Variants in PBRM1 observed in about 807,000 individuals in gnomAD.
PBRM1 encodes polybromo 1, also known as protein polybromo-1.
PBRM1 carries 27 observed loss-of-function variants against 194.5 expected under a neutral mutation model. The ratio of observed to expected loss-of-function variants is 0.14; its 90% CI spans 0.10 to 0.19. The LOEUF (loss-of-function observed/expected upper bound fraction) is 0.19, where lower values mean the gene tolerates loss of function less well. PBRM1 is among the 10% of genes least tolerant of loss of function. PBRM1 has a pLI of 1.00. For missense variants in PBRM1, 1,466 were observed against 2,077.2 expected (o/e 0.71, Z 5.72); for synonymous variants, 655 against 693.2 (o/e 0.94, Z 0.87).
chr3:52,578,367 T>C (rs1458918874), intron 21 of PBRM1, among the ~76,000 whole-genome samples: 2 of 152,216 alleles, frequency 1.3e-5, no homozygotes, highest in Non-Finnish European at 2.9e-5. Context: ...GCCTGGTAAA[T>C]AGTAGGTATA....
At position 52,603,374 on chromosome 3, in the gene PBRM1, A is replaced by G. The variant is rs753046091; in HGVS notation, c.2779+147T>C. ...GATGACCAAATTGATAACTATAAAA[A>G]TATTTCCATCTCATTGCGTCTACTC... is the stretch of plus-strand genomic sequence containing the variant. On this transcript the variant is annotated intron_variant, in intron 17 of 29. Coordinates refer to ENST00000296302, the Ensembl canonical transcript of PBRM1. The G allele has an allele frequency of 2.9e-5, 23 of 797,482 alleles. 1 individual carries two copies. Among genetic ancestry groups the G allele is most frequent in the Non-Finnish European group, 4.4e-5 (23 of 519,184 alleles). The allele number at this position is 797,482 out of a possible 1,614,324, so 49.4% of individuals were successfully genotyped here.
Position 52,608,529 on chromosome 3 carries a change from G to C in PBRM1, c.2567+784C>G, listed in dbSNP as rs76134070. On this transcript the variant is annotated intron_variant, in intron 16 of 29. Coordinates refer to ENST00000296302, the Ensembl canonical transcript of PBRM1. ...CTACTTGCTTTTCTTTAAAGGTTCA[G>C]AGCAAATTCTGATTTCATAGATTCC... Among the ~76,000 whole-genome samples, 585 of 152,154 alleles carry C rather than the reference G, an allele frequency of 3.8e-3. 1 individual carries two copies. Among genetic ancestry groups the C allele is most frequent in the Middle Eastern group, 6.8e-3 (2 of 292 alleles).
intron 10 of PBRM1, among the ~76,000 whole-genome samples, chr3:52,635,653 A>C (rs1356421090): frequency 3.9e-5 from 6 of 152,212 alleles, no homozygotes; most frequent in African/African-American, 1.4e-4. Flanking sequence ...GTTTAGAGAA[A>C]TATTACATAG....
At chr3:52,627,131 G>A in intron 13 of PBRM1, 142 bp downstream of exon 14, 1 of 494,678 alleles carries the variant, frequency 2.0e-6, no homozygotes, top group Non-Finnish European at 3.6e-6. Flanking sequence ...TCATCCAATT[G>A]CAAATGAATT....
chr3:52,613,314 A>G (rs960746265), intron 15 of PBRM1, among the ~76,000 whole-genome samples: 6 of 151,558 alleles, frequency 4.0e-5, no homozygotes, highest in Non-Finnish European at 7.4e-5. Context: ...ACAAGTATAT[A>G]CAGGGGTTCA....
At chr3:52,674,872 G>C (rs370968422) in intron 2 of PBRM1, among the ~76,000 whole-genome samples, 51 of 151,366 alleles carry the variant, frequency 3.4e-4, no homozygotes, top group African/African-American at 1.2e-3. Context: ...GTAGCATCAG[G>C]TGAGAGGACT....
At chr3:52,598,964 G>C (rs2093773051) in intron 17 of PBRM1, among the ~76,000 whole-genome samples, 1 of 148,322 alleles carries the variant, frequency 6.7e-6, no homozygotes. Flanking sequence ...AGAGGCTGCA[G>C]TGAGCTGAGA....
chr3:52,561,688 G>C, intron 25 of PBRM1, 79 bp downstream of exon 27: 1 of 1,232,580 alleles, frequency 8.1e-7, no homozygotes, highest in Non-Finnish European at 1.2e-6. Context: ...GTAAGAACAA[G>C]AGTAAAACCT....
intron 27 of PBRM1, among the ~76,000 whole-genome samples, chr3:52,554,467 T>C (rs1026335989): frequency 6.6e-6 from 1 of 152,256 alleles, no homozygotes; most frequent in African/African-American, 2.4e-5. Context: ...AGAGTATGCC[T>C]CTTGTCCCTT....
At chr3:52,577,430 C>CAAAAAA (rs71084193) in intron 21 of PBRM1, among the ~76,000 whole-genome samples, 4 of 65,722 alleles carry the variant, frequency 6.1e-5, no homozygotes, top group African/African-American at 2.7e-4. Context: ...GACAATGTCT[C>CAAAAAA]AAAAAAAAAA....
At chr3:52,564,559 T>A (rs1411594727) in intron 22 of PBRM1, among the ~76,000 whole-genome samples, 1 of 151,726 alleles carries the variant, frequency 6.6e-6, no homozygotes, top group African/African-American at 2.4e-5. Flanking sequence ...GTGGGAATCA[T>A]CTGAGTCTGG....
intron 10 of PBRM1, among the ~76,000 whole-genome samples, chr3:52,639,185 A>C (rs934001627): frequency 6.6e-6 from 1 of 152,178 alleles, no homozygotes; most frequent in Non-Finnish European, 1.5e-5. Flanking sequence ...CATGTTGGCC[A>C]GGATGGTCTC....
intron 17 of PBRM1, among the ~76,000 whole-genome samples, chr3:52,594,928 C>T (rs75320470): frequency 0.027 from 4,066 of 152,298 alleles, 191 homozygotes; most frequent in African/African-American, 0.093. Flanking sequence ...AGCGTTTGTG[C>T]TGACAGGTGC....
At chr3:52,588,774 T>C (rs758515966) in intron 18 of PBRM1, among the ~76,000 whole-genome samples, 3 of 152,084 alleles carry the variant, frequency 2.0e-5, no homozygotes, top group Non-Finnish European at 2.9e-5. Flanking sequence ...GCCAGGATGG[T>C]CTCGATTTCC....
chr3:52,566,650 CA>C (rs1160605197), intron 22 of PBRM1, among the ~76,000 whole-genome samples: 2 of 152,090 alleles, frequency 1.3e-5, no homozygotes, highest in African/African-American at 4.8e-5. Flanking sequence ...TTACTAGGGC[CA>C]GGGGGAAGGG....
chr3:52,621,438 C>T (rs2095271283), intron 13 of PBRM1, among the ~76,000 whole-genome samples: 1 of 152,212 alleles, frequency 6.6e-6, no homozygotes, highest in Admixed American at 6.5e-5. Flanking sequence ...GCTAGGATTA[C>T]AGGCGTGAGC....
chr3:52,584,612 T>C (rs1361799892), intron 20 of PBRM1, among the ~76,000 whole-genome samples: 6 of 151,884 alleles, frequency 4.0e-5, no homozygotes, highest in African/African-American at 9.7e-5. Flanking sequence ...TGTGCTACCA[T>C]GCCTGGCTAA....
intron 22 of PBRM1, among the ~76,000 whole-genome samples, chr3:52,573,451 G>A (rs544783478): frequency 2.7e-4 from 41 of 151,988 alleles, no homozygotes; most frequent in Non-Finnish European, 5.3e-4. Flanking sequence ...ACACCACCAC[G>A]CCCGGCTAAT....
At chr3:52,612,160 T>C (rs1049853136) in intron 15 of PBRM1, among the ~76,000 whole-genome samples, 2 of 146,864 alleles carry the variant, frequency 1.4e-5, no homozygotes, top group African/African-American at 2.6e-5. Context: ...CTTGGGAGGC[T>C]GAGGCAGGAC....
Sources: allele counts gnomAD v4.1 joint callset (sites outside exome capture counted in the v4.1 genomes callset), GRCh38; gene constraint gnomAD v4.1.1; transcripts MANE v1.5; gene names NCBI Gene and HGNC (gene_info 2026-07-23, HGNC 2026-07-21).